The following CERS4 variants were observed in gnomAD, a reference collection of about 807,000 sequenced individuals.
The protein encoded by CERS4 is ceramide synthase 4, also known as LAG1 homolog, ceramide synthase 4.
Under a neutral mutation model 51.8 loss-of-function variants are expected in CERS4, and 65 were observed. That is an observed-to-expected ratio of 1.26 (90% CI 1.03 to 1.54). The LOEUF (loss-of-function observed/expected upper bound fraction) is 1.54, where lower values mean the gene tolerates loss of function less well. Among genes scored for constraint, CERS4 ranks in the 40% most tolerant of loss-of-function variants. The pLI is 0.00. For missense variants in CERS4, 563 were observed against 500.4 expected (o/e 1.13, Z -1.19); for synonymous variants, 228 against 208.4 (o/e 1.09, Z -0.81).
At chr19:8,227,328 G>A (rs1158369852) in intron 2 of CERS4, among the ~76,000 whole-genome samples, 1 of 151,566 alleles carries the variant, frequency 6.6e-6, no homozygotes, top group Admixed American at 6.6e-5. Context: ...TATGATTCAG[G>A]TTTTTTTTCT....
chr19:8,242,226 A>G (rs1421949085), intron 2 of CERS4, among the ~76,000 whole-genome samples: 1 of 152,164 alleles, frequency 6.6e-6, no homozygotes, highest in African/African-American at 2.4e-5. Flanking sequence ...TTCTCAAACC[A>G]CAGCATCTTT....
chr19:8,224,104 T>TAAAA (rs746066578), intron 2 of CERS4, among the ~76,000 whole-genome samples: 1 of 65,478 alleles, frequency 1.5e-5, no homozygotes, highest in East Asian at 4.4e-4. Flanking sequence ...ACTCCGTCTT[T>TAAAA]AAAAAAAAAA....
chr19:8,260,866 G>C (rs190358131), intron 10 of CERS4: 1 of 147,926 alleles, frequency 6.8e-6, no homozygotes, highest in African/African-American at 2.5e-5. Context: ...CAGGAGAATC[G>C]CTGGAACCTG....
In CERS4 at chr19:8,262,142, C is replaced by G. The variant is rs765797102; in HGVS notation, c.*33C>G. ...GGGCTGGCTGTAAGGGGTTGCCCCCCCGCCAGTGCCTTGGATATTTCTGGG... is the reference window on the plus strand; with the variant it reads ...GGGCTGGCTGTAAGGGGTTGCCCCCGCGCCAGTGCCTTGGATATTTCTGGG... On this transcript the variant is annotated 3_prime_UTR_variant, in exon 12 of 12. Transcript: ENST00000251363. 2.8e-6 allele frequency: 4 copies of G among 1,428,956 alleles called. No homozygotes were observed. The highest frequency in any genetic ancestry group is 3.7e-6 in the Non-Finnish European group (4 of 1,094,190). The allele number at this position is 1,428,956 out of a possible 1,614,324, so 88.5% of individuals were successfully genotyped here.
intron 3 of CERS4, among the ~76,000 whole-genome samples, 157 bp from the exon 4 acceptor site, chr19:8,254,342 A>AAAAAAG (rs57613908): frequency 4.7e-5 from 7 of 148,876 alleles, no homozygotes; most frequent in Non-Finnish European, 7.4e-5. Flanking sequence ...AAAAAAAAAA[A>AAAAAAG]GTCTTACACA....
Position 8,262,035 on chromosome 19 carries a change from A to C in CERS4, c.1111A>C (p.Arg371=), listed in dbSNP as rs1406031013. The C allele has an allele frequency of 1.9e-6, 3 of 1,558,974 alleles. No homozygotes were observed. Among genetic ancestry groups the C allele is most frequent in the African/African-American group, 2.8e-5 (2 of 72,658 alleles). Residue 371 remains arginine, a synonymous_variant, in exon 12 of 12, where the codon AGG becomes CGG. Transcript: ENST00000251363. ...QLKNGAAGGP[R]PAPTDGPRSR... is the part of the protein sequence containing the mutation. Reference sequence around the variant, plus strand: ...AAAGAACGGGGCAGCTGGAGGGCCCAGGCCAGCCCCCACTGATGGCCCTCG... The same window carrying C: ...AAAGAACGGGGCAGCTGGAGGGCCCCGGCCAGCCCCCACTGATGGCCCTCG...
rs1966995532 is a variant in CERS4, at chr19:8,209,421, CG to C, written c.-229del. The C allele has an allele frequency of 6.6e-6, 1 of 151,138 alleles. No individual in the cohort carries two copies. The allele number at this position is 151,138 out of a possible 1,614,324, so 9.4% of individuals were successfully genotyped here. ...GGGCGGCGCGTGTCTGCAGCTGCTC[CG>C]GGTAGCCCGCTAGGCGCGCCGTCCC... On this transcript the variant is annotated 5_prime_UTR_variant, in exon 1 of 12. Coordinates refer to ENST00000251363, the MANE Select transcript of CERS4 (RefSeq NM_024552.3).
Position 8,236,945 on chromosome 19 carries a change from G to A in CERS4, c.-1-14131G>A, listed in dbSNP as rs554720831. Among the ~76,000 whole-genome samples the A allele has an allele frequency of 3.2e-5, 4 of 126,298 alleles. No individual in the cohort carries two copies. In the Admixed American group the frequency reaches 3.9e-4, roughly 12 times the overall value. The allele number at this position is 126,298 out of a possible 152,430, so 82.9% of individuals were successfully genotyped here. On this transcript the variant is annotated intron_variant, in intron 2 of 11. Transcript: ENST00000251363. ...TTGAACCAGAGAGGTAGAGGTTGCA[G>A]TGAACTGAGATCAGGCCACTGCACT...
chr19:8,251,248 A>C lies in CERS4; in HGVS notation c.172A>C (p.Arg58=). The change falls in exon 3 of 12, where the codon AGA becomes CGA. Residue 58 remains arginine, a splice_region_variant and synonymous_variant. Transcript: ENST00000251363. The part of the protein sequence containing the change: ...VLLAMRLAFE[R]FIGLPLSRWL... ...CCTGGCCATGCGCCTTGCCTTTGAG[A>C]GGTGAGTGTCTGCCCTGCCGCAATC... is the stretch of plus-strand genomic sequence containing the variant. 3.1e-6 allele frequency: 5 copies of C among 1,597,576 alleles called. No homozygotes were observed. Among genetic ancestry groups the C allele is most frequent in the Non-Finnish European group, 4.3e-6 (5 of 1,172,292 alleles).
intron 2 of CERS4, among the ~76,000 whole-genome samples, chr19:8,233,591 T>C (rs749295265): frequency 6.6e-6 from 1 of 152,184 alleles, no homozygotes; most frequent in Non-Finnish European, 1.5e-5. Context: ...TTGTATAAAT[T>C]ATCAGGCCAT....
chr19:8,261,716 A>G lies in CERS4; in HGVS notation c.877A>G (p.Ile293Val). ...QILYTTYYES[I>V]SNRGPFFGYY... ...CCTCTACACCACATACTACGAGTCC[A>G]TCAGCAACAGGGGCCCCTTCTTCGG... The change falls in exon 11 of 12, where the codon ATC becomes GTC. Residue 293 changes from isoleucine (I) to valine (V), a missense_variant. Ile to Val is a conservative substitution (Grantham distance 29, BLOSUM62 3). Transcript: ENST00000251363. 1.2e-6 allele frequency: 2 copies of G among 1,614,098 alleles called. No individual in the cohort carries two copies. Among genetic ancestry groups the G allele is most frequent in the Non-Finnish European group, 1.7e-6 (2 of 1,180,008 alleles).
At chr19:8,250,093 G>C (rs1401019842) in intron 2 of CERS4, among the ~76,000 whole-genome samples, 5 of 151,948 alleles carry the variant, frequency 3.3e-5, no homozygotes, top group African/African-American at 1.2e-4. Context: ...TCCTGCCTCA[G>C]CCTCCTGAGC....
intron 2 of CERS4, among the ~76,000 whole-genome samples, chr19:8,229,945 C>T (rs765839673): frequency 1.3e-5 from 2 of 151,828 alleles, no homozygotes. Flanking sequence ...AGGCTGGCCT[C>T]GAACTCCTGA....
rs1275087250 is a variant in CERS4 at position 8,256,630 on chromosome 19, T to C, written c.532T>C (p.Ser178Pro). Residue 178 changes from serine to proline, a missense_variant, in exon 8 of 12, where the codon TCC (serine) becomes CCC (proline). Transcript: ENST00000251363. ...TGTCCTGCTGCAGACTCTGAAGCCA[T>C]CCCTGTACTGGTGGTACCTCTTGGA... Reference protein sequence around the residue: ...DRYPNQTLKPSLYWWYLLELG... With the variant: ...DRYPNQTLKPPLYWWYLLELG... The C allele has an allele frequency of 2.5e-6, 4 of 1,613,044 alleles. No individual in the cohort carries two copies. The highest frequency in any genetic ancestry group is 8.5e-7 in the Non-Finnish European group (1 of 1,179,554).
At chr19:8,228,578 G>C (rs1430575725) in intron 2 of CERS4, among the ~76,000 whole-genome samples, 1 of 152,106 alleles carries the variant, frequency 6.6e-6, no homozygotes, top group Non-Finnish European at 1.5e-5. Flanking sequence ...AGCAGGCTGA[G>C]GCAGGAGAAT....
chr19:8,255,806 C>T lies in CERS4; in HGVS notation c.411-16C>T, dbSNP rs757083288. The T allele has an allele frequency of 1.2e-6, 2 of 1,613,876 alleles. No homozygotes were observed. Among genetic ancestry groups the T allele is most frequent in the Admixed American group, 1.7e-5 (1 of 60,008 alleles). On this transcript the variant is annotated splice_polypyrimidine_tract_variant and intron_variant, in intron 5 of 11. Coordinates refer to ENST00000251363, the MANE Select transcript of CERS4 (RefSeq NM_024552.3). ...GCGGGTGTCTGCTATTTTCACAGCT[C>T]CCTCCCCATCCACAGCTGGAGGTTT...
intron 2 of CERS4, among the ~76,000 whole-genome samples, chr19:8,222,991 C>T (rs1967627237): frequency 6.6e-6 from 1 of 152,104 alleles, no homozygotes; most frequent in South Asian, 2.1e-4. Flanking sequence ...CGTTGTGTGT[C>T]AGGTGCTGGG....
intron 2 of CERS4, among the ~76,000 whole-genome samples, chr19:8,246,125 T>G (rs985900011): frequency 2.0e-5 from 3 of 150,540 alleles, no homozygotes; most frequent in African/African-American, 7.3e-5. Flanking sequence ...CTGGAATGGT[T>G]GTTACTTTTG....
chr19:8,239,537 C>T (rs115391472), intron 2 of CERS4: 2,620 of 152,348 alleles, frequency 0.017, 72 homozygotes, highest in African/African-American at 0.06. Context: ...GGGAGGCCTC[C>T]GCAGGACCGT....
Sources: gnomAD v4.1 joint callset for allele counts (sites outside exome capture counted in the v4.1 genomes callset) on GRCh38, gnomAD v4.1.1 for gene constraint, MANE v1.5 for transcripts, NCBI Gene and HGNC (gene_info 2026-07-23, HGNC 2026-07-21) for gene names.